The following ESRRG variants were observed in gnomAD, a reference collection of about 807,000 sequenced individuals.
ESRRG encodes estrogen related receptor gamma.
In ESRRG, 13 loss-of-function variants were observed where a neutral mutation model predicts 44.0. That is an observed-to-expected ratio of 0.30 (90% CI 0.19 to 0.47). The LOEUF is 0.47. Among genes scored for constraint, ESRRG ranks in the 20% least tolerant of loss-of-function variants. The pLI is 1.00. For missense variants in ESRRG, 395 were observed against 580.6 expected (o/e 0.68, Z 3.29); for synonymous variants, 215 against 214.6 (o/e 1.00, Z -0.02).
intron 2 of ESRRG, among the ~76,000 whole-genome samples, chr1:216,886,990 G>C (rs114912071): frequency 5.4e-4 from 82 of 152,016 alleles, no homozygotes; most frequent in Non-Finnish European, 9.6e-4. Context: ...CACCCGCCTC[G>C]GTCTCCCAAA....
At chr1:216,736,947 G>A (rs2090023030) in intron 2 of ESRRG, among the ~76,000 whole-genome samples, 1 of 152,086 alleles carries the variant, frequency 6.6e-6, no homozygotes, top group African/African-American at 2.4e-5. Context: ...AAAAATAAAT[G>A]GCTCAGAATT....
chr1:216,993,395 G>A (rs1579197767), intron 1 of ESRRG, among the ~76,000 whole-genome samples: 1 of 152,176 alleles, frequency 6.6e-6, no homozygotes, highest in Non-Finnish European at 1.5e-5. Context: ...AACACAATGA[G>A]CAAAATTCAC....
chr1:216,788,225 C>A (rs1315378175), intron 2 of ESRRG, among the ~76,000 whole-genome samples: 2 of 152,118 alleles, frequency 1.3e-5, no homozygotes, highest in African/African-American at 4.8e-5. Context: ...CCATCTAGGA[C>A]TTTTATAGCC....
chr1:217,123,599 C>T (rs775238166), intron 1 of ESRRG, among the ~76,000 whole-genome samples: 2 of 152,082 alleles, frequency 1.3e-5, no homozygotes, highest in South Asian at 4.2e-4. Context: ...TCATGTCCTT[C>T]GCAGGGGCAT....
intron 2 of ESRRG, among the ~76,000 whole-genome samples, chr1:216,835,591 A>T (rs1031543058): frequency 3.3e-5 from 5 of 152,216 alleles, no homozygotes; most frequent in African/African-American, 1.2e-4. Context: ...GGCCATATTT[A>T]GTTCACTTTA....
chr1:217,095,691 A>G (rs1465086081), intron 1 of ESRRG, among the ~76,000 whole-genome samples: 2 of 152,264 alleles, frequency 1.3e-5, no homozygotes, highest in Non-Finnish European at 2.9e-5. Flanking sequence ...TGTTAGATTT[A>G]AAGGCCTCTG....
intron 1 of ESRRG, among the ~76,000 whole-genome samples, chr1:217,012,458 T>C (rs2078764912): frequency 6.6e-6 from 1 of 152,186 alleles, no homozygotes; most frequent in African/African-American, 2.4e-5. Flanking sequence ...GCTACATACC[T>C]AGCTTGATAG....
chr1:216,788,144 T>A (rs563552412), intron 2 of ESRRG, among the ~76,000 whole-genome samples: 3 of 152,178 alleles, frequency 2.0e-5, no homozygotes, highest in African/African-American at 7.2e-5. Context: ...CTAGCTAAGA[T>A]AATTTATGAA....
At chr1:216,884,257 A>G (rs1455905655) in intron 2 of ESRRG, among the ~76,000 whole-genome samples, 1 of 152,212 alleles carries the variant, frequency 6.6e-6, no homozygotes, top group African/African-American at 2.4e-5. Context: ...TGCATGACAG[A>G]TATATTTGCA....
intron 3 of ESRRG, among the ~76,000 whole-genome samples, chr1:216,596,378 G>A (rs963871078): frequency 1.3e-5 from 2 of 152,204 alleles, no homozygotes; most frequent in African/African-American, 4.8e-5. Context: ...GATGGAGGGG[G>A]CAGTGCTCTC....
intron 6 of ESRRG, among the ~76,000 whole-genome samples, chr1:216,518,806 C>T (rs186866256): frequency 1.1e-3 from 169 of 152,244 alleles, no homozygotes; most frequent in African/African-American, 3.9e-3. Context: ...ATCAACAATT[C>T]CCTTGTTTTA....
At chr1:216,917,803 C>T (rs926872067) in intron 2 of ESRRG, among the ~76,000 whole-genome samples, 5 of 152,204 alleles carry the variant, frequency 3.3e-5, no homozygotes, top group Admixed American at 6.5e-5. Flanking sequence ...AGCTATTTCA[C>T]AAGAATTTCT....
chr1:216,515,041 T>C (rs1051853531), intron 6 of ESRRG, among the ~76,000 whole-genome samples: 10 of 151,816 alleles, frequency 6.6e-5, no homozygotes, highest in Non-Finnish European at 1.2e-4. Flanking sequence ...ACTGGCCACC[T>C]TTACTTAAAA....
chr1:217,102,368 A>G (rs570551672), intron 1 of ESRRG, among the ~76,000 whole-genome samples: 195 of 152,284 alleles, frequency 1.3e-3, no homozygotes, highest in African/African-American at 4.2e-3. Flanking sequence ...TTATTTTTAA[A>G]ATAATAATAA....
chr1:216,676,207 T>G (rs1336412885), intron 2 of ESRRG, among the ~76,000 whole-genome samples: 1 of 152,324 alleles, frequency 6.6e-6, no homozygotes, highest in Admixed American at 6.5e-5. Context: ...AGCTTTTTCA[T>G]GAACTGAATT....
chr1:216,722,561 G>A (rs751634079), intron 1 of ESRRG, among the ~76,000 whole-genome samples: 3 of 152,036 alleles, frequency 2.0e-5, no homozygotes, highest in Non-Finnish European at 2.9e-5. Context: ...AGTATTTAAG[G>A]GGAAAATTTT....
chr1:216,605,873 A>T (rs1364858559), intron 3 of ESRRG, among the ~76,000 whole-genome samples: 1 of 118,942 alleles, frequency 8.4e-6, no homozygotes, highest in African/African-American at 3.9e-5. Flanking sequence ...GAGAGCTTAA[A>T]TTAAAAAAAA....
intron 2 of ESRRG, among the ~76,000 whole-genome samples, chr1:216,672,072 AG>A (rs2075301123): frequency 6.6e-6 from 1 of 152,072 alleles, no homozygotes; most frequent in South Asian, 2.1e-4. Flanking sequence ...GAGGGAAAGA[AG>A]GCAGACTCCA....
chr1:216,935,703 G>A lies in ESRRG; in HGVS notation c.-14+3879C>T, dbSNP rs145554583. Reference sequence around the variant, plus strand: ...GTGATCTTGGGTCACTGCAACCTCTGCCTCCCAAGTTCAAGCAGTTCTCCT... The same window carrying A: ...GTGATCTTGGGTCACTGCAACCTCTACCTCCCAAGTTCAAGCAGTTCTCCT... On this transcript the variant is annotated intron_variant, in intron 2 of 7. Coordinates refer to the ESRRG transcript ENST00000359162. Among the ~76,000 whole-genome samples, 24 of 151,668 alleles carry A rather than the reference G, an allele frequency of 1.6e-4. No individual in the cohort carries two copies. The East Asian group carries it at 4.1e-3, about 26-fold the overall frequency.
Sources: gnomAD v4.1 joint callset for allele counts (sites outside exome capture counted in the v4.1 genomes callset) on GRCh38, gnomAD v4.1.1 for gene constraint, MANE v1.5 for transcripts, NCBI Gene and HGNC (gene_info 2026-07-23, HGNC 2026-07-21) for gene names.